The following VWA8 variants were observed in gnomAD, a reference collection of about 807,000 sequenced individuals.
The protein encoded by VWA8 is von Willebrand factor A domain-containing protein 8.
VWA8 carries 221 observed loss-of-function variants against 241.5 expected under a neutral mutation model. The observed-to-expected ratio is 0.91, with a 90% CI of 0.82 to 1.02. The LOEUF (loss-of-function observed/expected upper bound fraction) is 1.02, where lower values mean the gene tolerates loss of function less well. VWA8 is among the 50% of genes least tolerant of loss of function. The pLI is 0.00. For missense variants in VWA8, 2,322 were observed against 2,328.7 expected (o/e 1.00, Z 0.06); for synonymous variants, 852 against 827.1 (o/e 1.03, Z -0.52).
At chr13:41,753,457 A>C (rs1230005224) in intron 21 of VWA8, among the ~76,000 whole-genome samples, 3 of 152,202 alleles carry the variant, frequency 2.0e-5, no homozygotes, top group Non-Finnish European at 4.4e-5. Context: ...AAATTAACAT[A>C]ACATCATAGA....
chr13:41,712,845 T>C (rs1229802905), intron 26 of VWA8, among the ~76,000 whole-genome samples: 1 of 152,184 alleles, frequency 6.6e-6, no homozygotes, highest in Non-Finnish European at 1.5e-5. Flanking sequence ...AAAAACAATA[T>C]TGTAATGTAG....
At chr13:41,896,309 G>T (rs192827451) in intron 4 of VWA8, among the ~76,000 whole-genome samples, 1 of 152,050 alleles carries the variant, frequency 6.6e-6, no homozygotes, top group Admixed American at 6.5e-5. Flanking sequence ...CAAATTAGTA[G>T]AAATTAGGAA....
intron 9 of VWA8, among the ~76,000 whole-genome samples, chr13:41,881,643 GGCAGAGGGCTCCTCACTTC>G: frequency 6.6e-6 from 1 of 150,724 alleles, no homozygotes. Flanking sequence ...GGGGCGGCTG[GGCAGAGGGCTCCTCACTTC>G]CCAGTAGGGG....
chr13:41,765,531 T>C (rs879511507), intron 20 of VWA8, among the ~76,000 whole-genome samples: 1 of 152,212 alleles, frequency 6.6e-6, no homozygotes, highest in Admixed American at 6.5e-5. Context: ...TAATGACTTG[T>C]TCCTTCTAAT....
intron 12 of VWA8, among the ~76,000 whole-genome samples, chr13:41,837,687 C>T (rs1167662589): frequency 6.6e-6 from 1 of 152,144 alleles, no homozygotes; most frequent in Non-Finnish European, 1.5e-5. Context: ...TTCTTCCCAT[C>T]TACATGCACA....
intron 37 of VWA8, among the ~76,000 whole-genome samples, chr13:41,653,726 G>C (rs1357602131): frequency 6.6e-6 from 1 of 152,046 alleles, no homozygotes; most frequent in African/African-American, 2.4e-5. Flanking sequence ...TAGACCAATG[G>C]AACAGAATAG....
intron 37 of VWA8, among the ~76,000 whole-genome samples, chr13:41,617,654 G>A (rs936433239): frequency 6.6e-6 from 1 of 151,288 alleles, no homozygotes; most frequent in Non-Finnish European, 1.5e-5. Context: ...CCCGCCCTGT[G>A]ACAGGCCCTG....
chr13:41,742,853 C>T (rs1000203055), intron 21 of VWA8, among the ~76,000 whole-genome samples: 3 of 152,150 alleles, frequency 2.0e-5, no homozygotes, highest in African/African-American at 7.2e-5. Flanking sequence ...ATTTATCAAA[C>T]ATAGAAAGGC....
Position 41,575,801 on chromosome 13 carries a change from ATGT to A in VWA8, c.5306_5308del (p.Asn1769del), listed in dbSNP as rs746227195. On this transcript the variant is annotated inframe_deletion, in exon 43 of 45. Transcript: ENST00000379310. Reference sequence around the variant, plus strand: ...GATTTTGTTCATTGGAACCAGACCAATGTTGTAGCCATCTCCAGAGTGTCCAAC... The same window carrying A: ...GATTTTGTTCATTGGAACCAGACCAATGTAGCCATCTCCAGAGTGTCCAAC... The A allele has an allele frequency of 2.4e-5, 38 of 1,613,352 alleles. No individual in the cohort carries two copies. In the African/African-American group the frequency reaches 2.8e-4, roughly 12 times the overall value.
chr13:41,838,682 T>C (rs1420919811), intron 12 of VWA8, among the ~76,000 whole-genome samples: 1 of 151,988 alleles, frequency 6.6e-6, no homozygotes, highest in Non-Finnish European at 1.5e-5. Context: ...ATATGCAAAA[T>C]ATATCTGAAC....
intron 22 of VWA8, 127 bp from the exon 23 acceptor site, chr13:41,729,804 C>T (rs1369547487): frequency 5.5e-6 from 2 of 363,550 alleles, no homozygotes; most frequent in Admixed American, 5.2e-5. Context: ...CGTAGACACA[C>T]ACACACACAC....
intron 37 of VWA8, among the ~76,000 whole-genome samples, chr13:41,639,805 A>G (rs1487525482): frequency 6.6e-6 from 1 of 152,142 alleles, no homozygotes; most frequent in Non-Finnish European, 1.5e-5. Context: ...TCAAAAAACT[A>G]CCTATTGGGT....
At chr13:41,801,209 C>T (rs1369441470) in intron 17 of VWA8, among the ~76,000 whole-genome samples, 2 of 151,826 alleles carry the variant, frequency 1.3e-5, no homozygotes, top group African/African-American at 4.8e-5. Context: ...GCATATCTAA[C>T]AGTCTGCAGA....
At chr13:41,690,711 T>C (rs571795543) in intron 32 of VWA8, among the ~76,000 whole-genome samples, 45 of 152,206 alleles carry the variant, frequency 3.0e-4, no homozygotes, top group Non-Finnish European at 5.3e-4. Flanking sequence ...TGGATGTATA[T>C]ATAGGCAGAA....
At chr13:41,830,878 G>C (rs1251092070) in intron 13 of VWA8, among the ~76,000 whole-genome samples, 2 of 151,996 alleles carry the variant, frequency 1.3e-5, no homozygotes, top group South Asian at 4.1e-4. Flanking sequence ...TGAAAGAGGG[G>C]GAGGAGGAGG....
intron 9 of VWA8, among the ~76,000 whole-genome samples, chr13:41,880,515 T>C (rs971183323): frequency 6.6e-5 from 10 of 152,212 alleles, no homozygotes; most frequent in Admixed American, 2.0e-4. Flanking sequence ...AGTGCCAATA[T>C]TGTCACTTGC....
chr13:41,567,357 C>T lies in VWA8; in HGVS notation c.*840G>A, dbSNP rs1157474954. 1 of 152,146 alleles carries T rather than the reference C, an allele frequency of 6.6e-6. No individual in the cohort carries two copies. The allele number at this position is 152,146 out of a possible 1,614,324, so 9.4% of individuals were successfully genotyped here. On this transcript the variant is annotated 3_prime_UTR_variant, in exon 45 of 45. Coordinates refer to ENST00000379310, the MANE Select transcript of VWA8 (RefSeq NM_015058.2). ...TAGGTAATTTTTATATGAATATTCTCAATAAATAATTTTCGTGTAAGCATT... is the reference window on the plus strand; with the variant it reads ...TAGGTAATTTTTATATGAATATTCTTAATAAATAATTTTCGTGTAAGCATT...
At position 41,886,848 on chromosome 13, in the gene VWA8, CATATT is replaced by C; in HGVS notation, c.817-23_817-19del. On this transcript the variant is annotated intron_variant, in intron 6 of 44. Transcript: ENST00000379310. ...AGTTGGTCCTAAAGTAATACAGAAA[CATATT>C]AAATTAATTAACAAGAAATGTAACA... The C allele has an allele frequency of 6.5e-7, 1 of 1,537,754 alleles. No homozygotes were observed. The highest frequency in any genetic ancestry group is 8.8e-7 in the Non-Finnish European group (1 of 1,134,848).
At chr13:41,931,591 A>C (rs1877123311) in intron 2 of VWA8, among the ~76,000 whole-genome samples, 1 of 152,190 alleles carries the variant, frequency 6.6e-6, no homozygotes, top group Non-Finnish European at 1.5e-5. Flanking sequence ...AACCAAAAAA[A>C]ACATGAGTAA....
Sources: allele counts gnomAD v4.1 joint callset (sites outside exome capture counted in the v4.1 genomes callset), GRCh38; gene constraint gnomAD v4.1.1; transcripts MANE v1.5; gene names NCBI Gene and HGNC (gene_info 2026-07-23, HGNC 2026-07-21).